The following EIF3J variants were observed in gnomAD, a reference collection of about 807,000 sequenced individuals.
EIF3J encodes the protein eukaryotic translation initiation factor 3, subunit 1 (alpha, 35kD).
EIF3J carries 15 observed loss-of-function variants against 39.0 expected under a neutral mutation model. The ratio of observed to expected loss-of-function variants is 0.38; its 90% CI spans 0.26 to 0.59. The LOEUF (loss-of-function observed/expected upper bound fraction) is 0.59. Among genes scored for constraint, EIF3J ranks in the 20% least tolerant of loss-of-function variants. The probability of loss-of-function intolerance (pLI) is 0.60; values close to 1 mark genes in which losing one functional copy is unlikely to be tolerated. For missense variants in EIF3J, 226 were observed against 308.6 expected (o/e 0.73, Z 2.00); for synonymous variants, 98 against 112.9 (o/e 0.87, Z 0.84).
At position 44,557,616 on chromosome 15, in the gene EIF3J, T is replaced by C; in HGVS notation, c.537T>C (p.Phe179=). ...QYEKSLYYAS[F]LEVLVRDVCI... The stretch of plus-strand genomic sequence containing the variant: ...AAAAGTCACTATATTATGCCAGTTT[T>C]TTGGAAGTCTTAGTTCGAGATGTGT... The change falls in exon 6 of 8, where the codon TTT becomes TTC. Residue 179 remains phenylalanine (F), a synonymous_variant. Transcript: ENST00000261868. 6.5e-7 allele frequency: 1 copy of C among 1,528,672 alleles called. No homozygotes were observed. The highest frequency in any genetic ancestry group is 8.8e-7 in the Non-Finnish European group (1 of 1,137,650). The allele number at this position is 1,528,672 out of a possible 1,614,324, so 94.7% of individuals were successfully genotyped here. A position where few individuals can be genotyped will look rare whatever the true frequency, so the allele number is the denominator to read the frequency against.
Position 44,554,572 on chromosome 15 carries a change from C to T in EIF3J, c.314C>T (p.Pro105Leu), listed in dbSNP as rs759854338. 9 of 1,609,878 alleles carry T rather than the reference C, an allele frequency of 5.6e-6. No homozygotes were observed. The highest frequency in any genetic ancestry group is 6.8e-6 in the Non-Finnish European group (8 of 1,178,672). The part of the protein sequence containing the change: ...IKKRLEEPEE[P>L]KVLTPEEQLA... ...TTTTAGTTAGAAGAACCCGAAGAAC[C>T]TAAAGTGCTAACACCAGAAGAACAA... The change falls in exon 5 of 8, where the codon CCT (proline) becomes CTT (leucine). Residue 105 changes from proline to leucine, a missense_variant. This residue lies in a region of EIF3J where 143 missense variants were observed against 156.0 expected (regional missense o/e 0.92). Transcript: ENST00000261868.
chr15:44,557,702 C>T, intron 6 of EIF3J, 52 bp downstream of exon 6: 1 of 1,316,302 alleles, frequency 7.6e-7, no homozygotes, highest in Non-Finnish European at 1.0e-6. Context: ...GTAGGATGTT[C>T]TCTTCAGGAG....
intron 6 of EIF3J, chr15:44,558,005 A>G (rs553846214): frequency 4.3e-4 from 67 of 154,818 alleles, no homozygotes; most frequent in Non-Finnish European, 7.4e-4. Context: ...GCACTGTAGG[A>G]TTTGGGTTGG....
intron 5 of EIF3J, among the ~76,000 whole-genome samples, chr15:44,556,756 C>G (rs1323746566): frequency 2.0e-5 from 3 of 152,118 alleles, no homozygotes; most frequent in African/African-American, 4.8e-5. Flanking sequence ...AGGTGATCGG[C>G]CTGCCTAGGC....
At chr15:44,557,035 A>G (rs2082150444) in intron 5 of EIF3J, among the ~76,000 whole-genome samples, 1 of 152,334 alleles carries the variant, frequency 6.6e-6, no homozygotes, top group South Asian at 2.1e-4. Context: ...ATAGATGTCA[A>G]AATACTAAAA....
In EIF3J at chr15:44,537,148, A is replaced by G. The variant is rs1400032248; in HGVS notation, c.-47A>G. The G allele has an allele frequency of 4.3e-6, 7 of 1,612,320 alleles. No individual in the cohort carries two copies. Among genetic ancestry groups the G allele is most frequent in the Non-Finnish European group, 5.9e-6 (7 of 1,179,334 alleles). On this transcript the variant is annotated 5_prime_UTR_variant, in exon 1 of 8. Coordinates refer to ENST00000261868, the MANE Select transcript of EIF3J (RefSeq NM_003758.4). ...CCAGTGACTCACCTCCGCCGTGCTA[A>G]CTCCTCGCTAGCTCTCCCTCTCACA...
At chr15:44,549,271 A>C (rs988603602) in intron 2 of EIF3J, among the ~76,000 whole-genome samples, 7 of 151,532 alleles carry the variant, frequency 4.6e-5, no homozygotes, top group African/African-American at 1.7e-4. Context: ...TGCATGTCTA[A>C]TCCCAGCTGC....
intron 2 of EIF3J, among the ~76,000 whole-genome samples, chr15:44,541,946 T>C (rs1216284153): frequency 6.6e-6 from 1 of 152,210 alleles, no homozygotes; most frequent in East Asian, 1.9e-4. Context: ...AGCATGTTTG[T>C]TATTGAAAAA....
chr15:44,549,583 C>T (rs2140896232), intron 2 of EIF3J, among the ~76,000 whole-genome samples: 1 of 151,808 alleles, frequency 6.6e-6, no homozygotes, highest in East Asian at 1.9e-4. Flanking sequence ...GTGTGACCAA[C>T]ATGGTGAAAT....
chr15:44,560,409 C>T (rs2082182100), intron 7 of EIF3J, 87 bp downstream of exon 7: 4 of 1,299,294 alleles, frequency 3.1e-6, no homozygotes, highest in African/African-American at 1.5e-5. Context: ...GGAGCCTGTC[C>T]TAATTAAAAG....
At chr15:44,551,374 C>T in intron 3 of EIF3J, 57 bp from the exon 4 acceptor site, 1 of 1,115,714 alleles carries the variant, frequency 9.0e-7, no homozygotes, top group South Asian at 1.5e-5. Flanking sequence ...ATGTCTGTCT[C>T]ATCCATAAAC....
intron 2 of EIF3J, among the ~76,000 whole-genome samples, chr15:44,542,970 C>T (rs915378246): frequency 6.6e-6 from 1 of 152,162 alleles, no homozygotes; most frequent in Admixed American, 6.5e-5. Flanking sequence ...GAGTTGTAGA[C>T]TTGCTCCCTA....
chr15:44,542,123 A>G (rs1467398856), intron 2 of EIF3J, among the ~76,000 whole-genome samples: 1 of 152,216 alleles, frequency 6.6e-6, no homozygotes, highest in Non-Finnish European at 1.5e-5. Context: ...GTAGTATGTT[A>G]AAAGCTTAAT....
chr15:44,542,426 T>C (rs1162003925), intron 2 of EIF3J, among the ~76,000 whole-genome samples: 1 of 152,210 alleles, frequency 6.6e-6, no homozygotes, highest in East Asian at 1.9e-4. Flanking sequence ...TCCTAGGCTG[T>C]TGCTATAGGG....
chr15:44,553,803 G>A (rs949904077), intron 4 of EIF3J, among the ~76,000 whole-genome samples: 2 of 152,178 alleles, frequency 1.3e-5, no homozygotes, highest in Non-Finnish European at 2.9e-5. Flanking sequence ...CCTGGAAGTA[G>A]AATACTTGAT....
intron 2 of EIF3J, among the ~76,000 whole-genome samples, chr15:44,546,401 A>G (rs1362099190): frequency 6.6e-6 from 1 of 152,172 alleles, no homozygotes; most frequent in African/African-American, 2.4e-5. Flanking sequence ...TGAATTTTTA[A>G]TTTCTTTACT....
chr15:44,559,743 GTTTA>G (rs2082176342), intron 6 of EIF3J, among the ~76,000 whole-genome samples: 2 of 151,706 alleles, frequency 1.3e-5, no homozygotes, highest in Admixed American at 6.6e-5. Flanking sequence ...GTCATTTCAT[GTTTA>G]TTTGTCTGTT....
intron 7 of EIF3J, 109 bp downstream of exon 7, chr15:44,560,431 A>C: frequency 5.0e-6 from 5 of 990,426 alleles, no homozygotes; most frequent in Non-Finnish European, 7.4e-6. Flanking sequence ...CAAGCAACTC[A>C]CTAATACCAT....
intron 5 of EIF3J, among the ~76,000 whole-genome samples, chr15:44,555,918 G>A (rs989707409): frequency 1.3e-5 from 2 of 152,052 alleles, no homozygotes; most frequent in Admixed American, 6.5e-5. Flanking sequence ...GAGGACAGTG[G>A]CTGAGATCGG....
Sources: allele counts gnomAD v4.1 joint callset (sites outside exome capture counted in the v4.1 genomes callset), GRCh38; gene constraint gnomAD v4.1.1; regional missense constraint gnomAD v4.1.1; transcripts MANE v1.5; gene names NCBI Gene and HGNC (gene_info 2026-07-23, HGNC 2026-07-21).